The following MSRA variants were observed in gnomAD, a reference collection of about 807,000 sequenced individuals.
MSRA encodes methionine sulfoxide reductase A, also known as mitochondrial peptide methionine sulfoxide reductase.
Under a neutral mutation model 31.3 loss-of-function variants are expected in MSRA, and 54 were observed. The observed-to-expected ratio is 1.73, with a 90% CI of 1.39 to 2.17. MSRA has a LOEUF of 2.17. Ranked by LOEUF, MSRA falls within the 30% of genes most tolerant of loss-of-function variation. The pLI, the probability that MSRA is intolerant of heterozygous loss-of-function variation, is 0.00. For missense variants in MSRA, 507 were observed against 300.9 expected (o/e 1.69, Z -5.07); for synonymous variants, 169 against 116.5 (o/e 1.45, Z -2.90).
At position 10,365,899 on chromosome 8, in the gene MSRA, C is replaced by G. The variant is rs1325173770; in HGVS notation, c.543+45910C>G. ...GGCTCCAGGCATCTCGTTCTGCTCT[C>G]CATCCCTTCCTACCTCTGCATACTT... On this transcript the variant is annotated intron_variant, in intron 5 of 5. Transcript: ENST00000317173. Among the ~76,000 whole-genome samples, 4 of 152,332 alleles carry G rather than the reference C, an allele frequency of 2.6e-5. No individual in the cohort carries two copies. In the East Asian group the frequency reaches 7.7e-4, roughly 29 times the overall value.
intron 5 of MSRA, among the ~76,000 whole-genome samples, chr8:10,392,890 C>CAAAAAAAA (rs869085304): frequency 8.8e-6 from 1 of 113,282 alleles, no homozygotes; most frequent in Non-Finnish European, 1.7e-5. Flanking sequence ...ACTAAAAATG[C>CAAAAAAAA]AAAAAAAAAA....
chr8:10,314,047 C>T (rs933995892), intron 4 of MSRA, among the ~76,000 whole-genome samples: 3 of 152,054 alleles, frequency 2.0e-5, no homozygotes, highest in South Asian at 2.1e-4. Flanking sequence ...GGCAAACGTA[C>T]GAAATTTCAA....
intron 1 of MSRA, among the ~76,000 whole-genome samples, chr8:10,187,328 C>T (rs1232280534): frequency 6.6e-6 from 1 of 152,032 alleles, no homozygotes; most frequent in East Asian, 1.9e-4. Context: ...TTTTGTATTC[C>T]ACTATTTGTG....
chr8:10,208,837 A>G (rs923199554), intron 2 of MSRA, among the ~76,000 whole-genome samples: 4 of 152,172 alleles, frequency 2.6e-5, no homozygotes, highest in African/African-American at 9.7e-5. Flanking sequence ...TCTGGTCTTG[A>G]TGGTAATCTC....
chr8:10,188,631 C>T (rs1288619141), intron 1 of MSRA, among the ~76,000 whole-genome samples: 2 of 152,160 alleles, frequency 1.3e-5, no homozygotes, highest in Non-Finnish European at 2.9e-5. Flanking sequence ...TTTAGATATA[C>T]AGTTGTTCCA....
intron 5 of MSRA, chr8:10,354,108 A>C (rs556542173): frequency 1.3e-5 from 2 of 152,988 alleles, no homozygotes; most frequent in South Asian, 4.1e-4. Context: ...ATGAAATAGC[A>C]CTTTATTTTT....
At chr8:10,387,421 C>T (rs185416175) in intron 5 of MSRA, among the ~76,000 whole-genome samples, 10 of 152,070 alleles carry the variant, frequency 6.6e-5, no homozygotes, top group African/African-American at 1.9e-4. Context: ...CAATTGTGCA[C>T]GGGAGCCATA....
At chr8:10,339,531 C>CTTTTTTTTTTTTT (rs774034241) in intron 5 of MSRA, among the ~76,000 whole-genome samples, 15 of 72,812 alleles carry the variant, frequency 2.1e-4, no homozygotes, top group African/African-American at 2.5e-4. Flanking sequence ...TTCTTTCTTT[C>CTTTTTTTTTTTTT]TTTTTTTTTT....
chr8:10,103,675 A>T (rs1264345143), intron 1 of MSRA, among the ~76,000 whole-genome samples: 1 of 152,182 alleles, frequency 6.6e-6, no homozygotes, highest in Non-Finnish European at 1.5e-5. Flanking sequence ...TATGCTTTTC[A>T]GCTGTTTATT....
At chr8:10,194,585 A>G (rs909426235) in intron 1 of MSRA, among the ~76,000 whole-genome samples, 4 of 152,172 alleles carry the variant, frequency 2.6e-5, no homozygotes, top group Non-Finnish European at 4.4e-5. Flanking sequence ...AACAATTAAC[A>G]TATTACTCTG....
At chr8:10,426,238 T>C (rs7005363) in intron 5 of MSRA, among the ~76,000 whole-genome samples, 71,408 of 152,090 alleles carry the variant, frequency 0.47, 16,958 homozygotes, top group East Asian at 0.52. Flanking sequence ...TGGAGCCAAA[T>C]GCTGTGTGAG....
chr8:10,280,202 T>C (rs1563303042), intron 3 of MSRA, among the ~76,000 whole-genome samples: 3 of 152,142 alleles, frequency 2.0e-5, no homozygotes, highest in South Asian at 2.1e-4. Context: ...TTTTTTTTTC[T>C]GATCAATTTT....
At chr8:10,257,119 G>A (rs776600217) in intron 3 of MSRA, among the ~76,000 whole-genome samples, 12 of 152,254 alleles carry the variant, frequency 7.9e-5, no homozygotes, top group Middle Eastern at 3.4e-3. Context: ...GTTAGTGCTC[G>A]TAGACAAACA....
intron 5 of MSRA, among the ~76,000 whole-genome samples, chr8:10,406,750 A>G (rs11786677): frequency 0.46 from 70,633 of 152,068 alleles, 16,927 homozygotes; most frequent in East Asian, 0.73. Context: ...AAAAAGTGCA[A>G]TTTTCCATAT....
intron 1 of MSRA, among the ~76,000 whole-genome samples, chr8:10,068,808 C>T (rs1459682167): frequency 6.6e-6 from 1 of 152,034 alleles, no homozygotes; most frequent in Non-Finnish European, 1.5e-5. Context: ...TGTTAATATT[C>T]ACAAATAACT....
intron 1 of MSRA, among the ~76,000 whole-genome samples, chr8:10,167,118 A>T (rs554052070): frequency 6.6e-6 from 1 of 151,966 alleles, no homozygotes; most frequent in Non-Finnish European, 1.5e-5. Context: ...TTCTCTTCCA[A>T]CACTGCTTCC....
intron 1 of MSRA, among the ~76,000 whole-genome samples, chr8:10,198,990 G>A (rs376241934): frequency 2.0e-5 from 3 of 152,166 alleles, no homozygotes; most frequent in South Asian, 2.1e-4. Flanking sequence ...CCATTTGCAC[G>A]AATCAAAGCT....
At chr8:10,204,842 C>T (rs112032253) in intron 1 of MSRA, among the ~76,000 whole-genome samples, 1,917 of 152,296 alleles carry the variant, frequency 0.013, 37 homozygotes, top group African/African-American at 0.043. Flanking sequence ...TGTGTCCATA[C>T]GCTGAGAGAG....
intron 3 of MSRA, among the ~76,000 whole-genome samples, chr8:10,298,235 T>C (rs142916833): frequency 5.2e-4 from 79 of 152,344 alleles, no homozygotes; most frequent in African/African-American, 1.8e-3. Flanking sequence ...CACATGTTCG[T>C]TGATGGATGA....
Sources: gnomAD v4.1 joint callset for allele counts (sites outside exome capture counted in the v4.1 genomes callset) on GRCh38, gnomAD v4.1.1 for gene constraint, MANE v1.5 for transcripts, NCBI Gene and HGNC (gene_info 2026-07-23, HGNC 2026-07-21) for gene names.